GBP7: variants seen among roughly 807,000 people sequenced by gnomAD.
The protein encoded by GBP7 is guanylate-binding protein 7.
Under a neutral mutation model 61.3 loss-of-function variants are expected in GBP7, and 43 were observed. The ratio of observed to expected loss-of-function variants is 0.70; its 90% CI spans 0.55 to 0.91. GBP7 has a LOEUF of 0.91. Among genes scored for constraint, GBP7 ranks in the 40% least tolerant of loss-of-function variants. The probability of loss-of-function intolerance (pLI) is 0.00; values close to 1 mark genes in which losing one functional copy is unlikely to be tolerated. For missense variants in GBP7, 717 were observed against 740.5 expected, an observed-to-expected ratio of 0.97 and a Z score of 0.37; for synonymous variants, 267 against 271.0, an observed-to-expected ratio of 0.99 and a Z score of 0.14.
In GBP7 at chr1:89,133,433, T is replaced by A; in HGVS notation, c.1487A>T (p.Glu496Val). ...CAGCTCCTGTTCCTTTTCAGCTGCC[T>A]CCTTCTTAGCCTGCTTAGCTGTTCC... Reference protein sequence around the residue: ...KAIAAKQAKKEAAEKEQELLR... With the variant: ...KAIAAKQAKKVAAEKEQELLR... Residue 496 changes from glutamate (E) to valine (V), a missense_variant, in exon 10 of 11, where the codon GAG becomes GTG. Glu to Val is a moderately radical substitution (Grantham distance 121). This residue lies in a region of GBP7 where 312 missense variants were observed against 310.1 expected (regional missense o/e 1.01). Transcript: ENST00000294671. 6.2e-7 allele frequency: 1 copy of A among 1,614,062 alleles called. No individual in the cohort carries two copies. Among genetic ancestry groups the A allele is most frequent in the Non-Finnish European group, 8.5e-7 (1 of 1,179,974 alleles).
At chr1:89,167,025 A>G (rs765137992) in intron 2 of GBP7, among the ~76,000 whole-genome samples, 2 of 152,248 alleles carry the variant, frequency 1.3e-5, no homozygotes, top group Non-Finnish European at 2.9e-5. Context: ...TATAATGTGC[A>G]TACCTGAATT....
At chr1:89,174,553 G>A (rs1021243876) in intron 1 of GBP7, among the ~76,000 whole-genome samples, 2 of 152,178 alleles carry the variant, frequency 1.3e-5, no homozygotes, top group Non-Finnish European at 2.9e-5. Flanking sequence ...GGGAAACATT[G>A]TGTTATACAT....
intron 3 of GBP7, 37 bp downstream of exon 3, chr1:89,164,694 C>G: frequency 6.2e-7 from 1 of 1,601,134 alleles, no homozygotes. Flanking sequence ...AATAGAGAAT[C>G]AAAGGTAAAG....
chr1:89,169,664 A>G (rs1437231158), intron 2 of GBP7, among the ~76,000 whole-genome samples: 1 of 152,202 alleles, frequency 6.6e-6, no homozygotes, highest in East Asian at 1.9e-4. Flanking sequence ...TATACACTAA[A>G]GCTACACAAC....
rs1682168054 is a variant in GBP7 at position 89,150,491 on chromosome 1, T to C, written c.710A>G (p.Asp237Gly). The C allele has an allele frequency of 6.2e-7, 1 of 1,613,990 alleles. No homozygotes were observed. Residue 237 changes from aspartate (D) to glycine (G), a missense_variant, in exon 6 of 11, where the codon GAC (aspartate) becomes GGC (glycine). Around this residue, in one of 3 missense-constraint regions of GBP7, gnomAD observed 387 missense variants for 385.2 expected, o/e 1.00. Coordinates refer to ENST00000294671, the MANE Select transcript of GBP7 (RefSeq NM_207398.3). ...GAGTTTTTTGTCATTTATTGGCCGG[T>C]CAAAGACAAAGCACTTCTGTTTTGG... is the stretch of plus-strand genomic sequence containing the variant. ...FFPKQKCFVF[D>G]RPINDKKLLL...
In GBP7 at chr1:89,152,341, G is replaced by GGTAAAATCTCGAACA. The variant is rs1682222038; in HGVS notation, c.537_551dup (p.Val180_Thr184dup). On this transcript the variant is annotated inframe_insertion, in exon 5 of 11. Coordinates refer to ENST00000294671, the MANE Select transcript of GBP7 (RefSeq NM_207398.3). ...GGTGTCCATCTAACTTCAGCTCCAGGGTAAAATCTCGAACAGTCCAAATAA... is the reference window on the plus strand; with the variant it reads ...GGTGTCCATCTAACTTCAGCTCCAGGGTAAAATCTCGAACAGTAAAATCTCGAACAGTCCAAATAA... The GGTAAAATCTCGAACA allele has an allele frequency of 1.2e-6, 2 of 1,613,792 alleles. No individual in the cohort carries two copies. The highest frequency in any genetic ancestry group is 4.5e-5 in the East Asian group (2 of 44,882).
At position 89,150,431 on chromosome 1, in the gene GBP7, A is replaced by T; in HGVS notation, c.770T>A (p.Leu257Gln). The change falls in exon 6 of 11, where the codon CTG becomes CAG. Residue 257 changes from leucine to glutamine, a missense_variant. By Grantham distance (113) the Leu-to-Gln change is moderately radical (BLOSUM62 -2). Around this residue, in one of 3 missense-constraint regions of GBP7, gnomAD observed 387 missense variants for 385.2 expected, o/e 1.00. Coordinates refer to ENST00000294671, the MANE Select transcript of GBP7 (RefSeq NM_207398.3). ...TGATTGCATCTGGAAATTACTATCC[A>T]GTTGGTCTTCTCGTACTTCTTCAAC... ...LHVEEVREDQ[L>Q]DSNFQMQSEN... 1 of 1,614,104 alleles carries T rather than the reference A, an allele frequency of 6.2e-7. No homozygotes were observed. Among genetic ancestry groups the T allele is most frequent in the Non-Finnish European group, 8.5e-7 (1 of 1,179,958 alleles).
chr1:89,145,746 GAAAT>G (rs1682048465), intron 8 of GBP7, among the ~76,000 whole-genome samples: 1 of 152,020 alleles, frequency 6.6e-6, no homozygotes, highest in Non-Finnish European at 1.5e-5. Context: ...AAAATGCTTA[GAAAT>G]AAATGTAACC....
chr1:89,172,921 A>G (rs1373711940), intron 1 of GBP7, among the ~76,000 whole-genome samples: 1 of 152,046 alleles, frequency 6.6e-6, no homozygotes, highest in Non-Finnish European at 1.5e-5. Context: ...TGCTCATTTA[A>G]TCATTTACTT....
At position 89,161,417 on chromosome 1, in the gene GBP7, A is replaced by G. The variant is rs961683835; in HGVS notation, c.318+3314T>C. Among the ~76,000 whole-genome samples the G allele has an allele frequency of 2.6e-5, 4 of 152,172 alleles. No homozygotes were observed. In the South Asian group the frequency reaches 8.3e-4, roughly 32 times the overall value. On this transcript the variant is annotated intron_variant, in intron 3 of 10. Transcript: ENST00000294671. ...AATGGATAAGTGTTCCTATTTCTCT[A>G]CAACCTAACCAGCATCTGTTATTTT...
At chr1:89,139,277 C>A (rs1681880141) in intron 9 of GBP7, among the ~76,000 whole-genome samples, 1 of 152,104 alleles carries the variant, frequency 6.6e-6, no homozygotes, top group African/African-American at 2.4e-5. Flanking sequence ...TTCCTTACAC[C>A]TTATACAAAA....
chr1:89,135,871 G>C (rs1404914268), intron 9 of GBP7, among the ~76,000 whole-genome samples: 1 of 152,140 alleles, frequency 6.6e-6, no homozygotes, highest in Non-Finnish European at 1.5e-5. Flanking sequence ...AGAGTGGCAA[G>C]TTGCATAAAG....
chr1:89,135,091 A>G (rs1375617895), intron 9 of GBP7, among the ~76,000 whole-genome samples: 1 of 152,218 alleles, frequency 6.6e-6, no homozygotes, highest in Non-Finnish European at 1.5e-5. Flanking sequence ...AAGATGAGGA[A>G]ATAATCTCAG....
At chr1:89,173,116 C>T (rs1273027304) in intron 1 of GBP7, among the ~76,000 whole-genome samples, 3 of 151,948 alleles carry the variant, frequency 2.0e-5, no homozygotes, top group East Asian at 1.9e-4. Context: ...GGCTCCACAA[C>T]GTATTCTAGA....
At chr1:89,161,111 GTTC>G (rs1310379290) in intron 3 of GBP7, among the ~76,000 whole-genome samples, 3 of 151,830 alleles carry the variant, frequency 2.0e-5, no homozygotes, top group African/African-American at 4.8e-5. Context: ...AAATGATCTT[GTTC>G]TTCTTTTATG....
At chr1:89,170,258 A>G (rs1647562848) in intron 2 of GBP7, among the ~76,000 whole-genome samples, 1 of 152,236 alleles carries the variant, frequency 6.6e-6, no homozygotes, top group Non-Finnish European at 1.5e-5. Context: ...CCATCATCCA[A>G]AATGAATTTG....
chr1:89,168,236 G>GA (rs992572434), intron 2 of GBP7, among the ~76,000 whole-genome samples: 1 of 151,422 alleles, frequency 6.6e-6, no homozygotes, highest in Admixed American at 6.6e-5. Flanking sequence ...TTCCTAAGGA[G>GA]AAAAAAAAGG....
In GBP7 at chr1:89,171,821, C is replaced by G. The variant is rs78648157; in HGVS notation, c.115G>C (p.Val39Leu). Residue 39 changes from valine (V) to leucine (L), a missense_variant, in exon 2 of 11, where the codon GTA becomes CTA. Coordinates refer to ENST00000294671, the MANE Select transcript of GBP7 (RefSeq NM_207398.3). ...TAGAGGCCCACAATTGCCACCACTA[C>G]TACAGGCTGTGTAATGGCAGACAGG... ...EILSAITQPV[V>L]VVAIVGLYRT... 2.1e-3 allele frequency: 3,434 copies of G among 1,613,816 alleles called. 58 individuals are homozygous for G. In the African/African-American group the frequency reaches 0.04, roughly 19 times the overall value.
intron 2 of GBP7, among the ~76,000 whole-genome samples, chr1:89,166,811 G>T (rs904150083): frequency 6.6e-6 from 1 of 152,226 alleles, no homozygotes; most frequent in Non-Finnish European, 1.5e-5. Context: ...CTTGCAAGTG[G>T]TCTAACTTGC....
Sources: allele counts gnomAD v4.1 joint callset (sites outside exome capture counted in the v4.1 genomes callset), GRCh38; gene constraint gnomAD v4.1.1; regional missense constraint gnomAD v4.1.1; transcripts MANE v1.5; gene names NCBI Gene and HGNC (gene_info 2026-07-23, HGNC 2026-07-21).